Variants in ABCB5 observed in about 807,000 individuals in gnomAD.
The protein encoded by ABCB5 is ATP binding cassette subfamily B member 5.
A neutral mutation model predicts 144.2 loss-of-function variants in ABCB5; 155 were observed. The observed-to-expected ratio is 1.08, with a 90% CI of 0.94 to 1.23. The LOEUF (loss-of-function observed/expected upper bound fraction) is 1.23. Ranked by LOEUF, ABCB5 falls within the 50% of genes most tolerant of loss-of-function variation. The probability of loss-of-function intolerance (pLI) is 0.00; values close to 1 mark genes in which losing one functional copy is unlikely to be tolerated. For missense variants in ABCB5, 1,830 were observed against 1,520.8 expected (o/e 1.20, Z -3.38); for synonymous variants, 610 against 528.6 (o/e 1.15, Z -2.11).
At chr7:20,660,481 T>C in intron 14 of ABCB5, 3 of 860,216 alleles carry the variant, frequency 3.5e-6, no homozygotes, top group Non-Finnish European at 4.2e-6. Flanking sequence ...ACTAGATTAA[T>C]CATATACTCT....
intron 13 of ABCB5, among the ~76,000 whole-genome samples, chr7:20,654,524 C>T (rs376527390): frequency 3.2e-4 from 49 of 152,238 alleles, no homozygotes; most frequent in African/African-American, 1.2e-3. Flanking sequence ...ATACGACATT[C>T]CAGCCAACAA....
At chr7:20,701,483 C>G (rs1237945698) in intron 19 of ABCB5, among the ~76,000 whole-genome samples, 1 of 152,128 alleles carries the variant, frequency 6.6e-6, no homozygotes, top group East Asian at 1.9e-4. Flanking sequence ...TCCAAGCATA[C>G]TTTGAACTTC....
chr7:20,659,160 C>T, intron 14 of ABCB5: 1 of 1,613,552 alleles, frequency 6.2e-7, no homozygotes, highest in Non-Finnish European at 8.5e-7. Flanking sequence ...GCCCCTCAAA[C>T]CTCACCCTGA....
In ABCB5 at chr7:20,756,931, G is replaced by C. The variant is rs1330445045; in HGVS notation, c.*1307G>C. The C allele has an allele frequency of 6.6e-6, 1 of 152,210 alleles. No homozygotes were observed. The highest frequency in any genetic ancestry group is 1.5e-5 in the Non-Finnish European group (1 of 68,026). The allele number at this position is 152,210 out of a possible 1,614,324, so 9.4% of individuals were successfully genotyped here. A position where few individuals can be genotyped will look rare whatever the true frequency, so the allele number is the denominator to read the frequency against. Reference sequence around the variant, plus strand: ...GTACTCTACCAATAATTGAAATCTTGTTAAACAAAATTAAAACCATTTATA... The same window carrying C: ...GTACTCTACCAATAATTGAAATCTTCTTAAACAAAATTAAAACCATTTATA... On this transcript the variant is annotated 3_prime_UTR_variant, in exon 28 of 28. Transcript: ENST00000404938.
At chr7:20,644,497 A>T (rs1784361590) in intron 7 of ABCB5, among the ~76,000 whole-genome samples, 1 of 152,222 alleles carries the variant, frequency 6.6e-6, no homozygotes. Flanking sequence ...CGCATTCTAA[A>T]TTACATTTTT....
At chr7:20,691,113 G>C (rs564004493) in intron 16 of ABCB5, among the ~76,000 whole-genome samples, 546 of 150,152 alleles carry the variant, frequency 3.6e-3, no homozygotes, top group African/African-American at 0.013. Context: ...TTTAAGGTCT[G>C]AGTAGTTTTC....
chr7:20,728,388 G>C lies in ABCB5; in HGVS notation c.2800G>C (p.Ala934Pro). Reference sequence around the variant, plus strand: ...CCATGCCTTTATATATTTTGCCTATGCGGCAGGGTTTCGATTTGGAGCCTA... The same window carrying C: ...CCATGCCTTTATATATTTTGCCTATCCGGCAGGGTTTCGATTTGGAGCCTA... ...FSHAFIYFAY[A>P]AGFRFGAYLI... is the part of the protein sequence containing the mutation. Residue 934 changes from alanine (A) to proline (P), a missense_variant, in exon 23 of 28, where the codon GCG becomes CCG. Physicochemically the swap from Ala to Pro is conservative, Grantham distance 27. Transcript: ENST00000404938. 2 of 1,614,108 alleles carry C rather than the reference G, an allele frequency of 1.2e-6. No homozygotes were observed. Among genetic ancestry groups the C allele is most frequent in the Non-Finnish European group, 1.7e-6 (2 of 1,180,004 alleles).
At chr7:20,745,018 G>T (rs1782675648) in intron 25 of ABCB5, among the ~76,000 whole-genome samples, 1 of 152,190 alleles carries the variant, frequency 6.6e-6, no homozygotes, top group Non-Finnish European at 1.5e-5. Flanking sequence ...AGAAAGTCAG[G>T]TCCTGTTACA....
chr7:20,739,308 G>A (rs566801502), intron 24 of ABCB5, among the ~76,000 whole-genome samples, 169 bp downstream of exon 24: 3 of 151,920 alleles, frequency 2.0e-5, no homozygotes, highest in East Asian at 1.9e-4. Context: ...TCAGCATTAC[G>A]CAATATACCC....
intron 15 of ABCB5, 21 bp from the exon 16 acceptor site, chr7:20,685,675 C>G (rs780979795): frequency 1.3e-6 from 2 of 1,577,200 alleles, no homozygotes; most frequent in Non-Finnish European, 1.7e-6. Context: ...ATAATGATAA[C>G]CTATATATTC....
At chr7:20,658,757 T>G in intron 14 of ABCB5, 81 bp downstream of exon 14, 1 of 1,492,146 alleles carries the variant, frequency 6.7e-7, no homozygotes, top group Non-Finnish European at 9.1e-7. Flanking sequence ...AGATCTGTAA[T>G]AGATTACTCA....
intron 20 of ABCB5, among the ~76,000 whole-genome samples, chr7:20,711,795 T>C (rs1314984137): frequency 5.2e-5 from 2 of 38,522 alleles, no homozygotes; most frequent in Non-Finnish European, 7.9e-5. Context: ...TTTCTTTCTT[T>C]CTTTCTTTCT....
At chr7:20,656,950 T>A (rs542396053) in intron 13 of ABCB5, among the ~76,000 whole-genome samples, 23 of 146,058 alleles carry the variant, frequency 1.6e-4, no homozygotes, top group Middle Eastern at 3.3e-3. Context: ...GGTCTCACTC[T>A]GTCACCTAGG....
chr7:20,688,682 C>T (rs1334612138), intron 16 of ABCB5, among the ~76,000 whole-genome samples: 1 of 152,152 alleles, frequency 6.6e-6, no homozygotes, highest in Non-Finnish European at 1.5e-5. Context: ...ATGTTTATTG[C>T]AGCACTATTC....
chr7:20,701,914 T>C (rs1786642849), intron 19 of ABCB5, among the ~76,000 whole-genome samples: 2 of 152,216 alleles, frequency 1.3e-5, no homozygotes, highest in Admixed American at 6.5e-5. Context: ...ATCTTCACAG[T>C]TTTGCTTTGT....
rs535948728 is a variant in ABCB5, at chr7:20,691,651, G to A, written c.2010+5815G>A. 7.3e-5 allele frequency among the ~76,000 whole-genome samples: 11 copies of A among 151,124 alleles called. No homozygotes were observed. The East Asian group carries it at 1.7e-3, about 24-fold the overall frequency. Reference sequence around the variant, plus strand: ...AAGTTTTAGGGTACATGTGCACAACGTGCAGGTGAGACACTGGGTAAAGTG... The same window carrying A: ...AAGTTTTAGGGTACATGTGCACAACATGCAGGTGAGACACTGGGTAAAGTG... On this transcript the variant is annotated intron_variant, in intron 16 of 27. Transcript: ENST00000404938.
chr7:20,720,144 A>G (rs753807264), intron 20 of ABCB5, among the ~76,000 whole-genome samples: 1 of 152,246 alleles, frequency 6.6e-6, no homozygotes, highest in Non-Finnish European at 1.5e-5. Context: ...ATTTTGTGTC[A>G]GAAAGTAAGG....
At chr7:20,637,003 G>C in intron 5 of ABCB5, among the ~76,000 whole-genome samples, 1 of 152,038 alleles carries the variant, frequency 6.6e-6, no homozygotes, top group Middle Eastern at 3.2e-3. Flanking sequence ...GGATAGTAAA[G>C]GCTTCATTTA....
chr7:20,701,105 C>G (rs904017316), intron 19 of ABCB5, among the ~76,000 whole-genome samples: 1 of 152,164 alleles, frequency 6.6e-6, no homozygotes, highest in Non-Finnish European at 1.5e-5. Context: ...GCAAAAAGGT[C>G]CCATTTCTGC....
Sources: allele counts gnomAD v4.1 joint callset (sites outside exome capture counted in the v4.1 genomes callset), GRCh38; gene constraint gnomAD v4.1.1; transcripts MANE v1.5; gene names NCBI Gene and HGNC (gene_info 2026-07-23, HGNC 2026-07-21).